ARHGEF6: variants seen among roughly 807,000 people sequenced by gnomAD.
ARHGEF6 encodes rho guanine nucleotide exchange factor 6.
ARHGEF6 carries 9 observed loss-of-function variants against 70.3 expected under a neutral mutation model. The observed-to-expected ratio is 0.13, with a 90% CI of 0.08 to 0.22. The LOEUF (loss-of-function observed/expected upper bound fraction) is 0.22. Ranked by LOEUF, ARHGEF6 falls within the 10% of genes least tolerant of loss-of-function variation. ARHGEF6 has a pLI of 1.00. For missense variants in ARHGEF6, 470 were observed against 563.0 expected, an observed-to-expected ratio of 0.83 and a Z score of 1.67; for synonymous variants, 201 against 207.8, an observed-to-expected ratio of 0.97 and a Z score of 0.28.
chrX:136,701,917 C>A (rs1373035835), intron 9 of ARHGEF6, among the ~76,000 whole-genome samples: 3 of 109,795 alleles, frequency 2.7e-5, no homozygotes, highest in Non-Finnish European at 5.7e-5. Flanking sequence ...CTGTGTTAGC[C>A]AGGATGGTCT....
At chrX:136,728,134 T>C (rs1196970207) in intron 6 of ARHGEF6, among the ~76,000 whole-genome samples, 1 of 112,457 alleles carries the variant, frequency 8.9e-6, no homozygotes, top group Non-Finnish European at 1.9e-5. Context: ...AGAAGAAGAT[T>C]ATTAGAAAAA....
chrX:136,770,534 T>C (rs2077356139), intron 2 of ARHGEF6, among the ~76,000 whole-genome samples: 1 of 111,604 alleles, frequency 9.0e-6, no homozygotes, highest in Non-Finnish European at 1.9e-5. Context: ...CCAGAAAAAT[T>C]AGGGAAGAAA....
chrX:136,741,073 T>C (rs1030597018), intron 5 of ARHGEF6, among the ~76,000 whole-genome samples: 1 of 111,944 alleles, frequency 8.9e-6, no homozygotes, highest in Non-Finnish European at 1.9e-5. Flanking sequence ...AATCTGTTAG[T>C]AAACATATTC....
At chrX:136,768,619 G>A (rs181961511) in intron 2 of ARHGEF6, 76 of 112,493 alleles carry the variant, frequency 6.8e-4, no homozygotes, top group African/African-American at 2.4e-3. Flanking sequence ...CAAGTGGCAG[G>A]GTCAGGGCTT....
chrX:136,711,950 T>A, intron 7 of ARHGEF6, among the ~76,000 whole-genome samples: 1 of 112,796 alleles, frequency 8.9e-6, no homozygotes, highest in Non-Finnish European at 1.9e-5. Context: ...CATACTGAAG[T>A]AGATTTCCAT....
chrX:136,711,808 G>A lies in ARHGEF6; in HGVS notation c.827+1468C>T, dbSNP rs561337035. ...ACTCCTGGCCTCAAGTGATCCACCC[G>A]CCTCGGCCTCCCACAGTGCTGGGAT... On this transcript the variant is annotated intron_variant, in intron 7 of 21. Coordinates refer to ENST00000250617, the MANE Select transcript of ARHGEF6 (RefSeq NM_004840.3). Among the ~76,000 whole-genome samples, 63 of 112,049 alleles carry A rather than the reference G, an allele frequency of 5.6e-4. No homozygotes were observed. The South Asian group carries it at 0.022, about 38-fold the overall frequency.
chrX:136,766,526 C>A (rs1337591953), intron 2 of ARHGEF6, among the ~76,000 whole-genome samples: 1 of 111,584 alleles, frequency 9.0e-6, no homozygotes, highest in African/African-American at 3.3e-5. Context: ...ACCCCTCTAT[C>A]CAAAAACAAT....
chrX:136,696,130 C>T (rs1386806545), intron 9 of ARHGEF6, among the ~76,000 whole-genome samples: 1 of 110,628 alleles, frequency 9.0e-6, no homozygotes, highest in Non-Finnish European at 1.9e-5. Flanking sequence ...AAGTGAATTG[C>T]CTTGGGTAAA....
intron 19 of ARHGEF6, 71 bp downstream of exon 19, chrX:136,674,935 CT>C: frequency 6.6e-6 from 7 of 1,066,947 alleles, no homozygotes; most frequent in Non-Finnish European, 9.1e-6. Flanking sequence ...TTGCTTTTCT[CT>C]TTTTCTAAAA....
chrX:136,731,058 C>T (rs1244080067), intron 6 of ARHGEF6, among the ~76,000 whole-genome samples: 1 of 111,892 alleles, frequency 8.9e-6, no homozygotes, highest in Non-Finnish European at 1.9e-5. Context: ...AGGGAACCTA[C>T]CTCTGCTGGG....
chrX:136,727,968 T>C (rs2076887971), intron 6 of ARHGEF6, among the ~76,000 whole-genome samples: 1 of 111,501 alleles, frequency 9.0e-6, no homozygotes. Flanking sequence ...ATGTTTGACC[T>C]GCCCTCCCAA....
chrX:136,756,448 T>C (rs1205066002), intron 2 of ARHGEF6, among the ~76,000 whole-genome samples: 1 of 111,602 alleles, frequency 9.0e-6, no homozygotes. Flanking sequence ...ATTTTACTGC[T>C]TTTTCTGGAA....
intron 15 of ARHGEF6, among the ~76,000 whole-genome samples, chrX:136,680,328 G>T (rs1201748020): frequency 8.9e-6 from 1 of 112,796 alleles, no homozygotes; most frequent in Non-Finnish European, 1.9e-5. Flanking sequence ...GTGAGAGCAT[G>T]AGTGAGATGA....
intron 13 of ARHGEF6, 151 bp from the exon 14 acceptor site, chrX:136,682,119 T>C: frequency 2.1e-6 from 1 of 477,165 alleles, no homozygotes; most frequent in Non-Finnish European, 3.7e-6. Flanking sequence ...CTGCTCTAAA[T>C]TTTAATCAGA....
At chrX:136,732,078 T>G (rs1330286863) in intron 6 of ARHGEF6, 24 bp downstream of exon 6, 1 of 1,170,530 alleles carries the variant, frequency 8.5e-7, no homozygotes, top group East Asian at 3.0e-5. Flanking sequence ...CAAGAAAATT[T>G]TTATTCATCA....
At position 136,732,168 on chromosome X, in the gene ARHGEF6, T is replaced by C. The variant is rs1247194528; in HGVS notation, c.666A>G (p.Arg222=). The part of the protein sequence containing the change: ...NYVREIKSSE[R]PLSPKAVKGF... ...CTTTGACGGCTTTTGGGGAGAGAGGTCTCTCTGTGAAAAAAACATTTAAAT... is the reference window on the plus strand; with the variant it reads ...CTTTGACGGCTTTTGGGGAGAGAGGCCTCTCTGTGAAAAAAACATTTAAAT... Residue 222 remains arginine, a synonymous_variant, in exon 6 of 22, where the codon AGA becomes AGG. Transcript: ENST00000250617. The C allele has an allele frequency of 1.7e-6, 2 of 1,196,427 alleles. No individual in the cohort carries two copies. The highest frequency in any genetic ancestry group is 2.3e-6 in the Non-Finnish European group (2 of 884,184).
intron 5 of ARHGEF6, among the ~76,000 whole-genome samples, chrX:136,736,154 C>G (rs147342724): frequency 0.012 from 1,327 of 111,662 alleles, 22 homozygotes; most frequent in African/African-American, 0.041. Flanking sequence ...TTCTAGGTAA[C>G]AAAACAGAGA....
intron 2 of ARHGEF6, among the ~76,000 whole-genome samples, chrX:136,776,523 C>G (rs966668887): frequency 9.0e-5 from 10 of 111,461 alleles, no homozygotes; most frequent in African/African-American, 3.3e-4. Flanking sequence ...CATCTCTCAC[C>G]GCATCTCTCA....
intron 21 of ARHGEF6, among the ~76,000 whole-genome samples, chrX:136,668,639 G>A (rs1320582268): frequency 3.7e-5 from 4 of 108,061 alleles, no homozygotes; most frequent in Admixed American, 1.0e-4. Flanking sequence ...TCAAACTCCC[G>A]GGCTTAAGTG....
Sources: allele counts gnomAD v4.1 joint callset (sites outside exome capture counted in the v4.1 genomes callset), GRCh38; gene constraint gnomAD v4.1.1; transcripts MANE v1.5; gene names NCBI Gene and HGNC (gene_info 2026-07-23, HGNC 2026-07-21).